The following CDK7 variants were observed in gnomAD, a reference collection of about 807,000 sequenced individuals.
CDK7 encodes the protein cyclin-dependent kinase 7.
CDK7 carries 25 observed loss-of-function variants against 49.1 expected under a neutral mutation model. That is an observed-to-expected ratio of 0.51 (90% CI 0.37 to 0.71). The LOEUF (loss-of-function observed/expected upper bound fraction) is 0.71, where lower values mean the gene tolerates loss of function less well. Ranked by LOEUF, CDK7 falls within the 30% of genes least tolerant of loss-of-function variation. CDK7 has a pLI of 0.00. For missense variants in CDK7, 316 were observed against 411.7 expected (o/e 0.77, Z 2.01); for synonymous variants, 107 against 140.0 (o/e 0.76, Z 1.67).
At chr5:69,263,538 TAAAA>T (rs929134803) in intron 8 of CDK7, among the ~76,000 whole-genome samples, 2 of 151,762 alleles carry the variant, frequency 1.3e-5, no homozygotes, top group African/African-American at 4.8e-5. Flanking sequence ...TCTCTTAAAA[TAAAA>T]AAAAGTAAAT....
chr5:69,276,979 G>A, intron 11 of CDK7, 128 bp from the exon 12 acceptor site: 1 of 778,296 alleles, frequency 1.3e-6, no homozygotes, highest in Non-Finnish European at 2.1e-6. Context: ...TTTAACAAGT[G>A]CTACTGGAAA....
intron 4 of CDK7, among the ~76,000 whole-genome samples, chr5:69,255,208 C>G (rs1385958057): frequency 1.3e-5 from 2 of 152,112 alleles, no homozygotes; most frequent in Non-Finnish European, 2.9e-5. Flanking sequence ...TTTCTTAATT[C>G]TAACTCCAAA....
chr5:69,240,468 T>C (rs1367800374), intron 2 of CDK7, among the ~76,000 whole-genome samples: 1 of 152,206 alleles, frequency 6.6e-6, no homozygotes, highest in Non-Finnish European at 1.5e-5. Flanking sequence ...TCTGGGGTTT[T>C]AAAATATTTT....
chr5:69,239,119 G>A, intron 2 of CDK7, among the ~76,000 whole-genome samples: 1 of 151,912 alleles, frequency 6.6e-6, no homozygotes, highest in East Asian at 1.9e-4. Flanking sequence ...ATCTATAATT[G>A]AAACAAATTA....
intron 2 of CDK7, among the ~76,000 whole-genome samples, chr5:69,246,538 C>G (rs1034668916): frequency 6.6e-6 from 1 of 152,030 alleles, no homozygotes; most frequent in Non-Finnish European, 1.5e-5. Flanking sequence ...TTTTGATGGT[C>G]TTTTCAAAAC....
intron 2 of CDK7, among the ~76,000 whole-genome samples, chr5:69,237,726 G>A (rs542918864): frequency 1.3e-5 from 2 of 152,066 alleles, no homozygotes; most frequent in South Asian, 2.1e-4. Context: ...CGAGGCAGGC[G>A]GATCACCTGA....
At chr5:69,275,811 C>CA (rs993473447) in intron 10 of CDK7, among the ~76,000 whole-genome samples, 1 of 152,088 alleles carries the variant, frequency 6.6e-6, no homozygotes, top group Non-Finnish European at 1.5e-5. Flanking sequence ...CCATTCTCCA[C>CA]AAAAAATAAG....
rs1561337742 is a variant in CDK7, at chr5:69,234,911, G to T, written c.-65G>T. On this transcript the variant is annotated 5_prime_UTR_variant, in exon 1 of 12. Coordinates refer to ENST00000256443, the MANE Select transcript of CDK7 (RefSeq NM_001799.4). ...AGTGGGTGTTGGAGGCTTTAAGGTA[G>T]CTTTAAATTCGTGTTGTCCTGGGAG... 1.3e-6 allele frequency: 2 copies of T among 1,492,496 alleles called. No homozygotes were observed. Among genetic ancestry groups the T allele is most frequent in the Non-Finnish European group, 9.2e-7 (1 of 1,092,106 alleles). The allele number at this position is 1,492,496 out of a possible 1,614,324, so 92.5% of individuals were successfully genotyped here.
At chr5:69,268,445 G>A (rs1751304033) in intron 8 of CDK7, among the ~76,000 whole-genome samples, 2 of 152,200 alleles carry the variant, frequency 1.3e-5, no homozygotes, top group African/African-American at 4.8e-5. Flanking sequence ...TTGGTTAGCA[G>A]TGGTAGGATC....
chr5:69,269,062 G>T, intron 8 of CDK7, 145 bp from the exon 9 acceptor site: 1 of 566,396 alleles, frequency 1.8e-6, no homozygotes, highest in Non-Finnish European at 3.2e-6. Flanking sequence ...AGAATCGCTT[G>T]AAGTGAGGAG....
intron 2 of CDK7, 136 bp from the exon 3 acceptor site, chr5:69,252,282 G>C (rs1580296265): frequency 1.6e-6 from 1 of 628,198 alleles, no homozygotes; most frequent in East Asian, 3.1e-5. Context: ...CTCTCTTTTT[G>C]CCTAGTAGGT....
chr5:69,256,721 T>A (rs1054500611), intron 5 of CDK7, among the ~76,000 whole-genome samples: 2 of 152,092 alleles, frequency 1.3e-5, no homozygotes, highest in African/African-American at 4.8e-5. Context: ...ACAATATTAG[T>A]GATGCTGTTA....
intron 7 of CDK7, among the ~76,000 whole-genome samples, chr5:69,261,129 A>C (rs560582504): frequency 6.6e-6 from 1 of 152,172 alleles, no homozygotes; most frequent in African/African-American, 2.4e-5. Flanking sequence ...CAAAGTCTCT[A>C]TTTTAAATTA....
chr5:69,269,147 A>T, intron 8 of CDK7, 60 bp from the exon 9 acceptor site: 8 of 1,126,828 alleles, frequency 7.1e-6, no homozygotes, highest in Non-Finnish European at 7.7e-6. Flanking sequence ...TCTCTAAAAA[A>T]AGAAAAAAAT....
chr5:69,261,795 C>T (rs138084927), intron 7 of CDK7, among the ~76,000 whole-genome samples: 2 of 152,090 alleles, frequency 1.3e-5, no homozygotes, highest in Non-Finnish European at 2.9e-5. Flanking sequence ...TCCCAAAGTG[C>T]TGGGATTACA....
Position 69,235,026 on chromosome 5 carries a change from C to T in CDK7, c.51C>T (p.Phe17=). ...CAAAGCGTTATGAGAAGCTGGACTTCCTTGGGGAGGGACAGGTGAGGCTCT... is the reference window on the plus strand; with the variant it reads ...CAAAGCGTTATGAGAAGCTGGACTTTCTTGGGGAGGGACAGGTGAGGCTCT... ...SRAKRYEKLD[F]LGEGQFATVY... Residue 17 remains phenylalanine, a synonymous_variant, in exon 1 of 12, where the codon TTC becomes TTT. Coordinates refer to ENST00000256443, the MANE Select transcript of CDK7 (RefSeq NM_001799.4). 6.2e-7 allele frequency: 1 copy of T among 1,603,434 alleles called. No homozygotes were observed. Among genetic ancestry groups the T allele is most frequent in the Non-Finnish European group, 8.5e-7 (1 of 1,175,318 alleles).
chr5:69,242,788 G>A (rs1029093892), intron 2 of CDK7, among the ~76,000 whole-genome samples: 2 of 152,224 alleles, frequency 1.3e-5, no homozygotes, highest in Non-Finnish European at 2.9e-5. Flanking sequence ...GCTCATGTCT[G>A]TAATCCCAGC....
In CDK7 at chr5:69,265,271, T is replaced by TA. The variant is rs11346593; in HGVS notation, c.627+2978dup. On this transcript the variant is annotated intron_variant, in intron 8 of 11. Transcript: ENST00000256443. ...CAGAGCGAGACTCCGTCTCAAAAAATAAAAAAAAAAATGAGTACAATTATG... is the reference window on the plus strand; with the variant it reads ...CAGAGCGAGACTCCGTCTCAAAAAATAAAAAAAAAAAATGAGTACAATTATG... Among the ~76,000 whole-genome samples the TA allele has an allele frequency of 0.021, 1,698 of 82,312 alleles. 109 individuals carry two copies. The East Asian group carries it at 0.26, about 13-fold the overall frequency. The allele number at this position is 82,312 out of a possible 152,430, so 54.0% of individuals were successfully genotyped here. A position where few individuals can be genotyped will look rare whatever the true frequency, so the allele number is the denominator to read the frequency against.
chr5:69,243,698 A>G (rs1749528055), intron 2 of CDK7, among the ~76,000 whole-genome samples: 1 of 152,040 alleles, frequency 6.6e-6, no homozygotes, highest in African/African-American at 2.4e-5. Flanking sequence ...TAGAGATTAC[A>G]TTGAATCTAT....
Sources: allele counts gnomAD v4.1 joint callset (sites outside exome capture counted in the v4.1 genomes callset), GRCh38; gene constraint gnomAD v4.1.1; transcripts MANE v1.5; gene names NCBI Gene and HGNC (gene_info 2026-07-23, HGNC 2026-07-21).